The following CYP7B1 variants were observed in gnomAD, a reference collection of about 807,000 sequenced individuals.
The protein encoded by CYP7B1 is cytochrome P450 family 7 subfamily B member 1.
CYP7B1 carries 29 observed loss-of-function variants against 42.7 expected under a neutral mutation model. The observed-to-expected ratio is 0.68, with a 90% CI of 0.51 to 0.93. The LOEUF (loss-of-function observed/expected upper bound fraction) is 0.93, where lower values mean the gene tolerates loss of function less well. CYP7B1 is among the 40% of genes least tolerant of loss of function. The pLI, the probability that CYP7B1 is intolerant of heterozygous loss-of-function variation, is 0.00. For synonymous variants in CYP7B1, 235 were observed against 218.2 expected, an observed-to-expected ratio of 1.08 and a Z score of -0.68; for missense variants, 655 against 600.5, an observed-to-expected ratio of 1.09 and a Z score of -0.95.
chr8:64,647,367 G>T (rs540709447), intron 1 of CYP7B1, among the ~76,000 whole-genome samples: 3 of 152,218 alleles, frequency 2.0e-5, no homozygotes, highest in African/African-American at 7.2e-5. Flanking sequence ...AAGATATGAA[G>T]TGAGCACATG....
chr8:64,728,400 C>T (rs181951471), intron 1 of CYP7B1, among the ~76,000 whole-genome samples: 11 of 152,278 alleles, frequency 7.2e-5, no homozygotes, highest in Admixed American at 6.5e-4. Flanking sequence ...GCCACTAAAG[C>T]CACTTGGTCA....
At chr8:64,692,855 G>C (rs1179564746) in intron 1 of CYP7B1, among the ~76,000 whole-genome samples, 3 of 152,174 alleles carry the variant, frequency 2.0e-5, no homozygotes, top group Non-Finnish European at 4.4e-5. Flanking sequence ...CTTCCAAACT[G>C]TTCTCGAGCC....
chr8:64,779,331 A>G (rs1405393033), intron 1 of CYP7B1, among the ~76,000 whole-genome samples: 1 of 152,154 alleles, frequency 6.6e-6, no homozygotes, highest in Non-Finnish European at 1.5e-5. Flanking sequence ...AAAATTCAAT[A>G]CAATAGTGAA....
At chr8:64,780,140 C>T (rs541902672) in intron 1 of CYP7B1, among the ~76,000 whole-genome samples, 4 of 152,176 alleles carry the variant, frequency 2.6e-5, no homozygotes, top group Middle Eastern at 3.4e-3. Flanking sequence ...TTTAATGGAA[C>T]TGCAGAAAAT....
At chr8:64,731,961 G>A (rs890842852) in intron 1 of CYP7B1, among the ~76,000 whole-genome samples, 3 of 152,224 alleles carry the variant, frequency 2.0e-5, no homozygotes, top group Middle Eastern at 3.2e-3. Context: ...AGATTTCAGA[G>A]GATGTGTGGA....
intron 1 of CYP7B1, among the ~76,000 whole-genome samples, chr8:64,680,180 ATTGTT>A (rs1442701596): frequency 6.6e-6 from 1 of 150,976 alleles, no homozygotes; most frequent in Non-Finnish European, 1.5e-5. Context: ...GTCTTATTTT[ATTGTT>A]TTTTTTCCTC....
chr8:64,681,540 A>T (rs1806538441), intron 1 of CYP7B1, among the ~76,000 whole-genome samples: 1 of 152,192 alleles, frequency 6.6e-6, no homozygotes, highest in Non-Finnish European at 1.5e-5. Flanking sequence ...TTTATAAAAA[A>T]ATTGTGGTTT....
At chr8:64,654,428 CA>C (rs1373105604) in intron 1 of CYP7B1, among the ~76,000 whole-genome samples, 1 of 152,054 alleles carries the variant, frequency 6.6e-6, no homozygotes, top group Non-Finnish European at 1.5e-5. Flanking sequence ...ACAATTTCCA[CA>C]AAAAGAATGC....
At chr8:64,790,384 C>T (rs1804597687) in intron 1 of CYP7B1, among the ~76,000 whole-genome samples, 2 of 152,096 alleles carry the variant, frequency 1.3e-5, no homozygotes, top group Non-Finnish European at 2.9e-5. Context: ...TAGGAGATTA[C>T]ATTTAAAATA....
chr8:64,739,304 T>G (rs1486001137), intron 1 of CYP7B1, among the ~76,000 whole-genome samples: 1 of 152,200 alleles, frequency 6.6e-6, no homozygotes, highest in Non-Finnish European at 1.5e-5. Context: ...CTTACCACTA[T>G]ATTAGCAGGA....
chr8:64,649,782 G>A (rs964372396), intron 1 of CYP7B1, among the ~76,000 whole-genome samples: 2 of 152,096 alleles, frequency 1.3e-5, no homozygotes, highest in Non-Finnish European at 2.9e-5. Flanking sequence ...TCCATTTGTG[G>A]TTTTGATTTG....
At chr8:64,635,358 C>T (rs1805755079) in intron 1 of CYP7B1, among the ~76,000 whole-genome samples, 1 of 152,200 alleles carries the variant, frequency 6.6e-6, no homozygotes, top group African/African-American at 2.4e-5. Context: ...CTGGTGTTCA[C>T]ACACCCTCTG....
At chr8:64,722,738 T>G (rs1807258133) in intron 1 of CYP7B1, among the ~76,000 whole-genome samples, 1 of 17,478 alleles carries the variant, frequency 5.7e-5, no homozygotes, top group Non-Finnish European at 1.2e-4. Flanking sequence ...AATGATTTTT[T>G]GCGGCGGGGG....
chr8:64,641,687 C>T (rs1054054516), intron 1 of CYP7B1, among the ~76,000 whole-genome samples: 8 of 152,068 alleles, frequency 5.3e-5, no homozygotes, highest in Non-Finnish European at 1.2e-4. Flanking sequence ...ACTGTTTCTC[C>T]GGGTAAAAGC....
intron 1 of CYP7B1, among the ~76,000 whole-genome samples, chr8:64,682,582 A>C: frequency 6.6e-6 from 1 of 152,170 alleles, no homozygotes; most frequent in African/African-American, 2.4e-5. Context: ...TAGCTTCTAC[A>C]TCATTGGCTG....
chr8:64,595,325 T>A lies in CYP7B1; in HGVS notation c.*1317A>T, dbSNP rs1805100607. Among the ~76,000 whole-genome samples, 1 of 152,372 alleles carries A rather than the reference T, an allele frequency of 6.6e-6. No homozygotes were observed. The highest frequency in any genetic ancestry group is 2.1e-4 in the South Asian group (1 of 4,830). On this transcript the variant is annotated 3_prime_UTR_variant, in exon 6 of 6. Coordinates refer to ENST00000310193, the MANE Select transcript of CYP7B1 (RefSeq NM_004820.5). ...CTAAGAATGTAAATATTTTGTAATG[T>A]TATTTTTAAAGTCAGTTTCCTTTTC...
intron 1 of CYP7B1, among the ~76,000 whole-genome samples, chr8:64,699,750 A>T (rs540625022): frequency 1.3e-5 from 2 of 152,060 alleles, no homozygotes; most frequent in Admixed American, 6.6e-5. Flanking sequence ...TTTTAATTTT[A>T]AAAAAAATTA....
At chr8:64,747,683 T>C (rs555420688) in intron 1 of CYP7B1, among the ~76,000 whole-genome samples, 1 of 151,866 alleles carries the variant, frequency 6.6e-6, no homozygotes, top group South Asian at 2.1e-4. Flanking sequence ...ACTATATATG[T>C]TATTTATATA....
intron 1 of CYP7B1, among the ~76,000 whole-genome samples, chr8:64,642,296 G>C (rs139633271): frequency 1.3e-5 from 2 of 149,328 alleles, no homozygotes; most frequent in African/African-American, 4.9e-5. Context: ...AAATTGATTC[G>C]AAGTCCTAGT....
Sources: allele counts gnomAD v4.1 joint callset (sites outside exome capture counted in the v4.1 genomes callset), GRCh38; gene constraint gnomAD v4.1.1; transcripts MANE v1.5; gene names NCBI Gene and HGNC (gene_info 2026-07-23, HGNC 2026-07-21).